TNNI3K: variants seen among roughly 807,000 people sequenced by gnomAD.
TNNI3K encodes the protein TNNI3 interacting kinase.
In TNNI3K, 140 loss-of-function variants were observed where a neutral mutation model predicts 114.5. The ratio of observed to expected loss-of-function variants is 1.22; its 90% CI spans 1.07 to 1.41. The LOEUF (loss-of-function observed/expected upper bound fraction) is 1.41, where lower values mean the gene tolerates loss of function less well. Ranked by LOEUF, TNNI3K falls within the 40% of genes most tolerant of loss-of-function variation. TNNI3K has a pLI of 0.00. For synonymous variants in TNNI3K, 347 were observed against 347.5 expected, an observed-to-expected ratio of 1.00 and a Z score of 0.02; for missense variants, 1,125 against 1,007.6, an observed-to-expected ratio of 1.12 and a Z score of -1.58.
chr1:74,498,276 A>G (rs1377904716), intron 23 of TNNI3K, among the ~76,000 whole-genome samples: 2 of 152,160 alleles, frequency 1.3e-5, no homozygotes, highest in Non-Finnish European at 2.9e-5. Context: ...TCAAAATATT[A>G]ACCAGCCTTC....
At chr1:74,428,385 G>A (rs1224506238) in intron 17 of TNNI3K, among the ~76,000 whole-genome samples, 1 of 151,998 alleles carries the variant, frequency 6.6e-6, no homozygotes, top group African/African-American at 2.4e-5. Context: ...GTCAAACTAG[G>A]GTTGTTTTCT....
At chr1:74,449,583 A>G (rs1266327032) in intron 20 of TNNI3K, among the ~76,000 whole-genome samples, 1 of 151,992 alleles carries the variant, frequency 6.6e-6, no homozygotes, top group Non-Finnish European at 1.5e-5. Context: ...ATGGAAAACA[A>G]AAAAAGGCAG....
At chr1:74,320,009 G>C (rs1489083603) in intron 5 of TNNI3K, among the ~76,000 whole-genome samples, 1 of 152,156 alleles carries the variant, frequency 6.6e-6, no homozygotes, top group African/African-American at 2.4e-5. Context: ...CATGTGTTGG[G>C]TTATAGAAGT....
chr1:74,517,362 T>C (rs1054668962), intron 23 of TNNI3K, among the ~76,000 whole-genome samples: 2 of 152,186 alleles, frequency 1.3e-5, no homozygotes, highest in Non-Finnish European at 2.9e-5. Flanking sequence ...AGGAACTTAA[T>C]TAGTATCAAA....
At chr1:74,305,241 G>T (rs1316269392) in intron 5 of TNNI3K, among the ~76,000 whole-genome samples, 1 of 151,986 alleles carries the variant, frequency 6.6e-6, no homozygotes, top group East Asian at 1.9e-4. Flanking sequence ...AGTAGTGAGG[G>T]GTTCTCTAAG....
intron 17 of TNNI3K, among the ~76,000 whole-genome samples, chr1:74,434,244 C>T (rs1666024181): frequency 6.6e-6 from 1 of 151,948 alleles, no homozygotes; most frequent in African/African-American, 2.4e-5. Flanking sequence ...CAAATATTCC[C>T]TCATTATTTT....
chr1:74,435,975 G>A, intron 17 of TNNI3K, 105 bp from the exon 18 acceptor site: 1 of 1,433,772 alleles, frequency 7.0e-7, no homozygotes, highest in Non-Finnish European at 9.3e-7. Context: ...TTATTCTCTA[G>A]GGCAAACAAA....
At chr1:74,285,760 G>A (rs1382563279) in intron 5 of TNNI3K, among the ~76,000 whole-genome samples, 2 of 152,132 alleles carry the variant, frequency 1.3e-5, no homozygotes, top group South Asian at 2.1e-4. Flanking sequence ...ACAGAATGAG[G>A]AAAATTATTT....
chr1:74,520,548 T>G (rs1646417436), intron 23 of TNNI3K, among the ~76,000 whole-genome samples: 2 of 152,040 alleles, frequency 1.3e-5, no homozygotes, highest in South Asian at 4.1e-4. Context: ...CTTGTCTCTT[T>G]TGACCTTTTC....
In TNNI3K at chr1:74,436,148, A is replaced by G; in HGVS notation, c.1825+16A>G. The G allele has an allele frequency of 6.2e-7, 1 of 1,611,154 alleles. No individual in the cohort carries two copies. The highest frequency in any genetic ancestry group is 1.3e-5 in the African/African-American group (1 of 74,596). The stretch of plus-strand genomic sequence containing the variant: ...GATTTTGGAGGTGAGATACCCCAAA[A>G]TGGCATCCTTTTTTTCTTTGTTCCT... On this transcript the variant is annotated intron_variant, in intron 18 of 24. Coordinates refer to ENST00000326637, the MANE Select transcript of TNNI3K (RefSeq NM_015978.3).
chr1:74,499,861 A>G (rs1669519267), intron 23 of TNNI3K, among the ~76,000 whole-genome samples: 1 of 152,100 alleles, frequency 6.6e-6, no homozygotes, highest in Non-Finnish European at 1.5e-5. Flanking sequence ...GGGTTCTTAT[A>G]TACCTTTTGT....
intron 4 of TNNI3K, among the ~76,000 whole-genome samples, chr1:74,254,473 C>T (rs950344898): frequency 5.3e-5 from 8 of 152,142 alleles, no homozygotes; most frequent in Admixed American, 3.3e-4. Flanking sequence ...GAATTTCTCA[C>T]CCGATCCTTG....
chr1:74,540,321 G>A lies in TNNI3K; in HGVS notation c.2431+8G>A. ...CACCCATTGACAAATATGGTAAGTA[G>A]GCAGATTCTTTAGGTTTGTTAAGAA... On this transcript the variant is annotated splice_region_variant and intron_variant, in intron 24 of 24. Transcript: ENST00000326637. 1 of 1,610,086 alleles carries A rather than the reference G, an allele frequency of 6.2e-7. No homozygotes were observed. Among genetic ancestry groups the A allele is most frequent in the South Asian group, 1.1e-5 (1 of 90,396 alleles).
At chr1:74,259,650 A>G (rs1024198864) in intron 4 of TNNI3K, among the ~76,000 whole-genome samples, 2 of 152,030 alleles carry the variant, frequency 1.3e-5, no homozygotes, top group Non-Finnish European at 2.9e-5. Context: ...GTGTGCGCCT[A>G]TAGTCCCAGC....
At chr1:74,385,999 G>T (rs2100557838) in intron 17 of TNNI3K, among the ~76,000 whole-genome samples, 1 of 152,304 alleles carries the variant, frequency 6.6e-6, no homozygotes, top group Non-Finnish European at 1.5e-5. Context: ...ATTGAATGAT[G>T]GGGATTAGTC....
chr1:74,446,188 C>T (rs1295899141), intron 20 of TNNI3K, among the ~76,000 whole-genome samples: 1 of 152,056 alleles, frequency 6.6e-6, no homozygotes, highest in Non-Finnish European at 1.5e-5. Context: ...TCTCCACATC[C>T]TCTCCAGCAC....
chr1:74,243,959 C>T (rs1046262173), intron 2 of TNNI3K, among the ~76,000 whole-genome samples: 2 of 151,970 alleles, frequency 1.3e-5, no homozygotes, highest in Admixed American at 6.6e-5. Context: ...AAGTGATGCT[C>T]AATTGGCAGT....
intron 4 of TNNI3K, among the ~76,000 whole-genome samples, chr1:74,268,432 G>A (rs2100887031): frequency 6.6e-6 from 1 of 151,900 alleles, no homozygotes; most frequent in South Asian, 2.1e-4. Flanking sequence ...TAAACTAGTA[G>A]ACGTTTTCTC....
intron 4 of TNNI3K, among the ~76,000 whole-genome samples, chr1:74,271,169 T>G (rs921364092): frequency 6.6e-6 from 1 of 151,870 alleles, no homozygotes; most frequent in African/African-American, 2.4e-5. Flanking sequence ...GTTCATACTC[T>G]CTTCTTAAAT....
Sources: gnomAD v4.1 joint callset for allele counts (sites outside exome capture counted in the v4.1 genomes callset) on GRCh38, gnomAD v4.1.1 for gene constraint, MANE v1.5 for transcripts, NCBI Gene and HGNC (gene_info 2026-07-23, HGNC 2026-07-21) for gene names.